Variants in CATSPERE observed in about 807,000 individuals in gnomAD.
CATSPERE encodes catsper channel auxiliary subunit epsilon.
Under a neutral mutation model 114.1 loss-of-function variants are expected in CATSPERE, and 93 were observed. The ratio of observed to expected loss-of-function variants is 0.81; its 90% CI spans 0.69 to 0.97. The LOEUF (loss-of-function observed/expected upper bound fraction) is 0.97, where lower values mean the gene tolerates loss of function less well. Ranked by LOEUF, CATSPERE falls within the 50% of genes least tolerant of loss-of-function variation. CATSPERE has a pLI of 0.00. For synonymous variants in CATSPERE, 341 were observed against 384.1 expected (o/e 0.89, Z 1.31); for missense variants, 1,058 against 1,131.6 (o/e 0.93, Z 0.93).
chr1:244,622,513 C>T (rs1481296780), intron 20 of CATSPERE, among the ~76,000 whole-genome samples: 1 of 150,966 alleles, frequency 6.6e-6, no homozygotes. Flanking sequence ...AAGAGATTCT[C>T]CTGCCTCAGC....
At chr1:244,485,427 C>G (rs1670840169) in intron 5 of CATSPERE, among the ~76,000 whole-genome samples, 1 of 152,088 alleles carries the variant, frequency 6.6e-6, no homozygotes, top group African/African-American at 2.4e-5. Context: ...GTGATCCACC[C>G]ACCTAAGCCT....
chr1:244,579,979 A>G (rs1665917894), intron 11 of CATSPERE, among the ~76,000 whole-genome samples: 1 of 152,176 alleles, frequency 6.6e-6, no homozygotes, highest in African/African-American at 2.4e-5. Flanking sequence ...ATGCATTACT[A>G]CAAACACTAC....
At chr1:244,496,318 A>G (rs1036075509) in intron 6 of CATSPERE, among the ~76,000 whole-genome samples, 1 of 152,244 alleles carries the variant, frequency 6.6e-6, no homozygotes, top group Admixed American at 6.5e-5. Context: ...CAGAAGAATG[A>G]GTCCTTGCTA....
intron 7 of CATSPERE, among the ~76,000 whole-genome samples, chr1:244,513,536 T>C (rs567029611): frequency 1.3e-5 from 2 of 152,298 alleles, no homozygotes; most frequent in Admixed American, 6.5e-5. Flanking sequence ...AGTTGACCCC[T>C]AGGCTTCTGA....
chr1:244,490,813 T>C (rs1671975117), intron 6 of CATSPERE, among the ~76,000 whole-genome samples: 3 of 152,138 alleles, frequency 2.0e-5, no homozygotes, highest in Non-Finnish European at 4.4e-5. Context: ...CTTACTGATA[T>C]TTTTCTTTTG....
intron 7 of CATSPERE, among the ~76,000 whole-genome samples, chr1:244,503,501 T>G (rs192515603): frequency 6.6e-6 from 1 of 152,224 alleles, no homozygotes; most frequent in African/African-American, 2.4e-5. Context: ...TACCCTCTTA[T>G]CAATATATTC....
intron 6 of CATSPERE, among the ~76,000 whole-genome samples, chr1:244,491,052 C>G (rs1180359380): frequency 6.6e-6 from 1 of 152,080 alleles, no homozygotes; most frequent in Non-Finnish European, 1.5e-5. Flanking sequence ...AGAAAGTTAA[C>G]AAGGATACCC....
At chr1:244,561,885 C>T (rs531896387) in intron 10 of CATSPERE, among the ~76,000 whole-genome samples, 15 of 152,246 alleles carry the variant, frequency 9.9e-5, no homozygotes, top group African/African-American at 3.1e-4. Context: ...GGCGTGGTGG[C>T]TCACGCTTCT....
At chr1:244,464,508 T>A (rs1028823494) in intron 2 of CATSPERE, among the ~76,000 whole-genome samples, 1 of 152,212 alleles carries the variant, frequency 6.6e-6, no homozygotes, top group African/African-American at 2.4e-5. Flanking sequence ...TGTATCTGTG[T>A]ATCTGTGCAA....
intron 12 of CATSPERE, among the ~76,000 whole-genome samples, chr1:244,583,187 C>T (rs778485626): frequency 1.3e-5 from 2 of 151,982 alleles, no homozygotes; most frequent in African/African-American, 2.4e-5. Context: ...TTGCCAAGGA[C>T]ACTTTTTATG....
At chr1:244,551,266 C>G (rs1160797936) in intron 8 of CATSPERE, among the ~76,000 whole-genome samples, 1 of 152,160 alleles carries the variant, frequency 6.6e-6, no homozygotes, top group Non-Finnish European at 1.5e-5. Context: ...GCATGAGATC[C>G]TGTAAATGGC....
At chr1:244,595,214 T>C (rs1017829852) in intron 17 of CATSPERE, among the ~76,000 whole-genome samples, 4 of 151,220 alleles carry the variant, frequency 2.6e-5, no homozygotes, top group Admixed American at 2.6e-4. Flanking sequence ...AGCAGAAGAG[T>C]CTGATAGAGC....
intron 17 of CATSPERE, among the ~76,000 whole-genome samples, 193 bp downstream of exon 17, chr1:244,593,771 T>C (rs1668028077): frequency 6.6e-6 from 1 of 152,182 alleles, no homozygotes; most frequent in Admixed American, 6.5e-5. Context: ...GACATCACTA[T>C]TTGGCAGCCG....
chr1:244,610,477 T>C (rs1670562829), intron 19 of CATSPERE, 151 bp downstream of exon 19: 2 of 711,456 alleles, frequency 2.8e-6, no homozygotes, highest in East Asian at 5.4e-5. Flanking sequence ...ATGGTATTTT[T>C]AAAATGCTTC....
intron 14 of CATSPERE, among the ~76,000 whole-genome samples, chr1:244,591,348 C>A (rs371523116): frequency 2.0e-5 from 3 of 151,502 alleles, no homozygotes; most frequent in Admixed American, 6.6e-5. Flanking sequence ...TACAATAGAC[C>A]TCTGGAACTT....
intron 5 of CATSPERE, among the ~76,000 whole-genome samples, chr1:244,485,461 A>G (rs1421828985): frequency 6.6e-6 from 1 of 152,022 alleles, no homozygotes; most frequent in Non-Finnish European, 1.5e-5. Flanking sequence ...GATTACAGGC[A>G]TGAGTGGCTG....
intron 8 of CATSPERE, among the ~76,000 whole-genome samples, chr1:244,533,267 C>A (rs1679893329): frequency 6.6e-6 from 1 of 151,926 alleles, no homozygotes; most frequent in Non-Finnish European, 1.5e-5. Context: ...AAGCATATTT[C>A]TTTTAGGTAA....
intron 8 of CATSPERE, among the ~76,000 whole-genome samples, chr1:244,524,673 G>A (rs914768090): frequency 6.6e-6 from 1 of 151,574 alleles, no homozygotes; most frequent in Non-Finnish European, 1.5e-5. Context: ...CAAAAAGTGG[G>A]CAAAGGAAAC....
chr1:244,577,541 C>T (rs573686459), intron 11 of CATSPERE, among the ~76,000 whole-genome samples: 66 of 152,274 alleles, frequency 4.3e-4, no homozygotes, highest in Non-Finnish European at 5.9e-4. Flanking sequence ...GATCAAGATG[C>T]CAGCAGACTT....
Sources: gnomAD v4.1 joint callset for allele counts (sites outside exome capture counted in the v4.1 genomes callset) on GRCh38, gnomAD v4.1.1 for gene constraint, MANE v1.5 for transcripts, NCBI Gene and HGNC (gene_info 2026-07-23, HGNC 2026-07-21) for gene names.